The following MAF variants were observed in gnomAD, a reference collection of about 807,000 sequenced individuals.
MAF encodes transcription factor Maf.
A neutral mutation model predicts 22.0 loss-of-function variants in MAF; 10 were observed. The ratio of observed to expected loss-of-function variants is 0.45; its 90% CI spans 0.28 to 0.77. The LOEUF (loss-of-function observed/expected upper bound fraction) is 0.77, where lower values mean the gene tolerates loss of function less well. Ranked by LOEUF, MAF falls within the 30% of genes least tolerant of loss-of-function variation. The pLI, the probability that MAF is intolerant of heterozygous loss-of-function variation, is 0.12. For missense variants in MAF, 544 were observed against 548.4 expected (o/e 0.99, Z 0.08); for synonymous variants, 337 against 255.8 (o/e 1.32, Z -3.03).
chr16:79,294,804 A>G, the MAF span, among the ~76,000 whole-genome samples: 41 of 152,320 alleles, frequency 2.7e-4, no homozygotes, highest in Non-Finnish European at 4.7e-4. Flanking sequence ...AGCAACCTCA[A>G]CCGAGTAAGG....
the MAF span, among the ~76,000 whole-genome samples, chr16:79,472,167 C>A: frequency 6.6e-6 from 1 of 152,098 alleles, no homozygotes; most frequent in Non-Finnish European, 1.5e-5. Flanking sequence ...CCCCAGTCAA[C>A]CCTCAAGCAG....
the MAF span, among the ~76,000 whole-genome samples, chr16:79,424,594 T>G: frequency 2.6e-5 from 4 of 152,224 alleles, no homozygotes; most frequent in Non-Finnish European, 5.9e-5. Context: ...GTTTCCATGT[T>G]TCTGTGAGCC....
chr16:79,530,215 C>T, the MAF span, among the ~76,000 whole-genome samples: 3 of 152,160 alleles, frequency 2.0e-5, no homozygotes, highest in Non-Finnish European at 4.4e-5. Context: ...AGCTTGAGAA[C>T]ACACCTGAAG....
the MAF span, among the ~76,000 whole-genome samples, chr16:79,473,745 G>A: frequency 2.0e-5 from 3 of 152,088 alleles, no homozygotes; most frequent in South Asian, 2.1e-4. Context: ...GTACTTAACC[G>A]TATCGCAAGC....
chr16:79,536,556 C>T, the MAF span, among the ~76,000 whole-genome samples: 2 of 152,118 alleles, frequency 1.3e-5, no homozygotes, highest in African/African-American at 4.8e-5. Flanking sequence ...GCAGGAGAAT[C>T]GCTTGAACTT....
chr16:79,582,634 T>A (rs1461128221), downstream of MAF, among the ~76,000 whole-genome samples: 1 of 151,956 alleles, frequency 6.6e-6, no homozygotes, highest in East Asian at 1.9e-4. Flanking sequence ...TAGGGAGGAG[T>A]ATAATCCAAA....
chr16:79,476,442 A>G, the MAF span, among the ~76,000 whole-genome samples: 4 of 152,240 alleles, frequency 2.6e-5, no homozygotes, highest in Non-Finnish European at 5.9e-5. Flanking sequence ...TCTGCAATAG[A>G]AAGTTCAAAC....
At chr16:79,425,404 C>T in the MAF span, among the ~76,000 whole-genome samples, 1 of 152,108 alleles carries the variant, frequency 6.6e-6, no homozygotes, top group African/African-American at 2.4e-5. Context: ...AAAACATCCG[C>T]AGAGATAAAA....
the MAF span, among the ~76,000 whole-genome samples, chr16:79,364,939 T>C: frequency 6.6e-6 from 1 of 152,302 alleles, no homozygotes; most frequent in African/African-American, 2.4e-5. Flanking sequence ...TTGGGCTGCA[T>C]CACACACAAG....
the MAF span, among the ~76,000 whole-genome samples, chr16:79,276,931 C>G: frequency 6.6e-6 from 1 of 152,158 alleles, no homozygotes; most frequent in Admixed American, 6.5e-5. Flanking sequence ...GGCGGGCAAT[C>G]CTTGACGTAC....
the MAF span, among the ~76,000 whole-genome samples, chr16:79,448,883 G>A: frequency 5.3e-5 from 8 of 152,152 alleles, no homozygotes; most frequent in Non-Finnish European, 7.4e-5. Flanking sequence ...GACCTTGGGG[G>A]GAGGCAGGGA....
At chr16:79,235,826 G>A in the MAF span, among the ~76,000 whole-genome samples, 1 of 152,050 alleles carries the variant, frequency 6.6e-6, no homozygotes, top group East Asian at 1.9e-4. Context: ...AGTAATGGTT[G>A]TGATGGTTGT....
At chr16:79,470,673 G>C in the MAF span, among the ~76,000 whole-genome samples, 1 of 152,196 alleles carries the variant, frequency 6.6e-6, no homozygotes, top group Non-Finnish European at 1.5e-5. Context: ...GAGACTTAAA[G>C]AGTTTAAGAA....
the MAF span, among the ~76,000 whole-genome samples, chr16:79,558,638 T>C: frequency 0.12 from 18,272 of 152,184 alleles, 1,317 homozygotes; most frequent in East Asian, 0.27. Context: ...AGAATGGGCA[T>C]TTTCATTCAT....
the MAF span, among the ~76,000 whole-genome samples, chr16:79,468,701 T>A: frequency 6.6e-6 from 1 of 152,214 alleles, no homozygotes; most frequent in South Asian, 2.1e-4. Flanking sequence ...GTGGCCCCCA[T>A]GCCTGGGAAG....
the MAF span, among the ~76,000 whole-genome samples, chr16:79,421,883 T>G: frequency 3.3e-5 from 5 of 152,204 alleles, no homozygotes; most frequent in Admixed American, 1.3e-4. Flanking sequence ...GTTCCAGCCA[T>G]TCTCCTGCCT....
the MAF span, among the ~76,000 whole-genome samples, chr16:79,574,224 C>G: frequency 6.6e-6 from 1 of 152,212 alleles, no homozygotes; most frequent in Non-Finnish European, 1.5e-5. Context: ...ATCAATGAGT[C>G]TGACAGTGTG....
chr16:79,439,257 C>CTTTTTTTTTTTTTTTT, the MAF span, among the ~76,000 whole-genome samples: 3 of 130,804 alleles, frequency 2.3e-5, no homozygotes, highest in African/African-American at 2.9e-5. Flanking sequence ...TAGGTACTTA[C>CTTTTTTTTTTTTTTTT]TTTTTTTTTT....
chr16:79,339,217 C>T, the MAF span, among the ~76,000 whole-genome samples: 160 of 150,884 alleles, frequency 1.1e-3, no homozygotes, highest in African/African-American at 3.8e-3. Flanking sequence ...CTACAGGCAC[C>T]CGCCACCACG....
Sources: allele counts gnomAD v4.1 joint callset (sites outside exome capture counted in the v4.1 genomes callset), GRCh38; gene constraint gnomAD v4.1.1; transcripts MANE v1.5; gene names NCBI Gene and HGNC (gene_info 2026-07-23, HGNC 2026-07-21).